Variants in MYO1B observed in about 807,000 individuals in gnomAD.
The protein encoded by MYO1B is unconventional myosin-Ib.
In MYO1B, 72 loss-of-function variants were observed where a neutral mutation model predicts 159.7. That is an observed-to-expected ratio of 0.45 (90% CI 0.37 to 0.55). MYO1B has a LOEUF of 0.55. Among genes scored for constraint, MYO1B ranks in the 20% least tolerant of loss-of-function variants. The pLI is 0.00. For synonymous variants in MYO1B, 468 were observed against 473.8 expected, an observed-to-expected ratio of 0.99 and a Z score of 0.16; for missense variants, 1,062 against 1,364.8, an observed-to-expected ratio of 0.78 and a Z score of 3.50.
chr2:191,266,757 T>C (rs1687165667), intron 1 of MYO1B, among the ~76,000 whole-genome samples: 1 of 152,230 alleles, frequency 6.6e-6, no homozygotes, highest in Non-Finnish European at 1.5e-5. Flanking sequence ...ATTTTGCCCT[T>C]ACGTCACAAG....
intron 1 of MYO1B, among the ~76,000 whole-genome samples, chr2:191,264,777 C>T (rs1687026512): frequency 6.6e-6 from 1 of 151,144 alleles, no homozygotes; most frequent in Non-Finnish European, 1.5e-5. Flanking sequence ...TTAACATTCT[C>T]TATAACCAGA....
chr2:191,248,582 C>T (rs1386629629), intron 1 of MYO1B, among the ~76,000 whole-genome samples: 1 of 152,140 alleles, frequency 6.6e-6, no homozygotes, highest in Non-Finnish European at 1.5e-5. Flanking sequence ...GGGTATCGTA[C>T]TACATGTGGC....
chr2:191,251,016 T>G (rs1042610054), intron 1 of MYO1B, among the ~76,000 whole-genome samples: 11 of 152,226 alleles, frequency 7.2e-5, no homozygotes, highest in African/African-American at 2.4e-4. Flanking sequence ...TGTCCTTGGC[T>G]GGTCCAAAGC....
intron 5 of MYO1B, 150 bp downstream of exon 5, chr2:191,341,715 T>C (rs1174858678): frequency 3.5e-6 from 2 of 579,114 alleles, no homozygotes; most frequent in Non-Finnish European, 3.1e-6. Flanking sequence ...AAATAAGCCG[T>C]GTTCTAGAAC....
chr2:191,409,210 ACTTT>A (rs1197769774), intron 26 of MYO1B, 32 bp downstream of exon 26: 2 of 1,588,016 alleles, frequency 1.3e-6, no homozygotes, highest in Non-Finnish European at 1.7e-6. Flanking sequence ...CTTTTCGGAG[ACTTT>A]CTTATTTATT....
chr2:191,252,276 G>C (rs966020541), intron 1 of MYO1B, among the ~76,000 whole-genome samples: 1 of 152,180 alleles, frequency 6.6e-6, no homozygotes, highest in African/African-American at 2.4e-5. Context: ...AAAGTGTTGA[G>C]AGCTATTCAT....
chr2:191,302,586 A>G (rs1010900217), intron 3 of MYO1B, among the ~76,000 whole-genome samples: 3 of 152,168 alleles, frequency 2.0e-5, no homozygotes, highest in Admixed American at 6.5e-5. Flanking sequence ...CTGTATGTCT[A>G]TTGGAAGGAA....
chr2:191,301,319 A>G (rs1289127893), intron 3 of MYO1B, among the ~76,000 whole-genome samples: 1 of 152,246 alleles, frequency 6.6e-6, no homozygotes, highest in Non-Finnish European at 1.5e-5. Flanking sequence ...GAACTGCCTC[A>G]GATTCCCAAA....
At chr2:191,313,235 A>T (rs1479096635) in intron 3 of MYO1B, among the ~76,000 whole-genome samples, 3 of 61,910 alleles carry the variant, frequency 4.8e-5, no homozygotes, top group East Asian at 4.7e-4. Context: ...TTTGAGACGG[A>T]GTTTCACTCT....
chr2:191,407,248 A>G (rs1696974797), intron 24 of MYO1B, among the ~76,000 whole-genome samples: 1 of 152,248 alleles, frequency 6.6e-6, no homozygotes, highest in East Asian at 1.9e-4. Flanking sequence ...TAATGTAGAA[A>G]TATTTTGAAC....
intron 3 of MYO1B, among the ~76,000 whole-genome samples, chr2:191,305,034 C>T (rs190429986): frequency 6.6e-6 from 1 of 152,338 alleles, no homozygotes; most frequent in East Asian, 1.9e-4. Flanking sequence ...CTGCAACATC[C>T]TGGAAAAGAT....
At chr2:191,298,408 T>C (rs1689111185) in intron 3 of MYO1B, among the ~76,000 whole-genome samples, 1 of 152,188 alleles carries the variant, frequency 6.6e-6, no homozygotes, top group African/African-American at 2.4e-5. Flanking sequence ...ATATTTTAAA[T>C]TCTAGTCCTC....
At chr2:191,347,318 C>T (rs1339841952) in intron 6 of MYO1B, among the ~76,000 whole-genome samples, 2 of 152,112 alleles carry the variant, frequency 1.3e-5, no homozygotes, top group Non-Finnish European at 2.9e-5. Flanking sequence ...CAGATTAGCC[C>T]CTTAAGTTGT....
At chr2:191,376,160 T>A (rs1694699652) in intron 13 of MYO1B, among the ~76,000 whole-genome samples, 1 of 152,214 alleles carries the variant, frequency 6.6e-6, no homozygotes, top group Admixed American at 6.5e-5. Flanking sequence ...TAAAATTTGC[T>A]GTATTTTAGT....
chr2:191,396,377 G>C (rs1227565166), intron 20 of MYO1B, 52 bp from the exon 21 acceptor site: 15 of 1,563,308 alleles, frequency 9.6e-6, no homozygotes, highest in Non-Finnish European at 1.2e-5. Flanking sequence ...ATCCTTGTAT[G>C]CGTTACAGAT....
At chr2:191,347,129 T>C (rs1345838167) in intron 6 of MYO1B, among the ~76,000 whole-genome samples, 2 of 152,240 alleles carry the variant, frequency 1.3e-5, no homozygotes, top group East Asian at 1.9e-4. Flanking sequence ...TGCCTCCTTA[T>C]GTGAGACCCT....
At position 191,296,136 on chromosome 2, in the gene MYO1B, C is replaced by CTG; in HGVS notation, c.163_164dup (p.Asn56LeufsTer26). ...ACATACATTGGAAGTGTGGTTATAT[C>CTG]TGTTAACCCATACCGGTCTTTACCC... is the stretch of plus-strand genomic sequence containing the variant. On this transcript the variant is annotated frameshift_variant, in exon 3 of 31. Coordinates refer to ENST00000392318, the MANE Select transcript of MYO1B (RefSeq NM_001130158.3). LOFTEE classifies it high-confidence loss of function. 1 of 1,603,052 alleles carries CTG rather than the reference C, an allele frequency of 6.2e-7. No individual in the cohort carries two copies. Among genetic ancestry groups the CTG allele is most frequent in the African/African-American group, 1.3e-5 (1 of 74,754 alleles).
chr2:191,298,366 C>T (rs965256945), intron 3 of MYO1B, among the ~76,000 whole-genome samples: 17 of 152,126 alleles, frequency 1.1e-4, no homozygotes, highest in Non-Finnish European at 2.2e-4. Context: ...ATAGTTAAGC[C>T]CCTGTGATGA....
At chr2:191,340,733 T>G (rs945843513) in intron 4 of MYO1B, among the ~76,000 whole-genome samples, 9 of 122,482 alleles carry the variant, frequency 7.3e-5, no homozygotes, top group South Asian at 2.2e-4. Context: ...GTTTTTGGTG[T>G]TTTTTTTTTT....
Sources: allele counts gnomAD v4.1 joint callset (sites outside exome capture counted in the v4.1 genomes callset), GRCh38; gene constraint gnomAD v4.1.1; transcripts MANE v1.5; gene names NCBI Gene and HGNC (gene_info 2026-07-23, HGNC 2026-07-21).